The following PRKG2 variants were observed in gnomAD, a reference collection of about 807,000 sequenced individuals.
The protein encoded by PRKG2 is protein kinase cGMP-dependent 2.
In PRKG2, 33 loss-of-function variants were observed where a neutral mutation model predicts 97.2. The ratio of observed to expected loss-of-function variants is 0.34; its 90% confidence interval spans 0.26 to 0.45. The LOEUF is 0.45. Ranked by LOEUF, PRKG2 falls within the 20% of genes least tolerant of loss-of-function variation. The probability of loss-of-function intolerance (pLI) is 1.00; values close to 1 mark genes in which losing one functional copy is unlikely to be tolerated. For missense variants in PRKG2, 638 were observed against 900.0 expected, an observed-to-expected ratio of 0.71 and a Z score of 3.73; for synonymous variants, 330 against 321.8, an observed-to-expected ratio of 1.03 and a Z score of -0.27.
chr4:81,094,873 G>A (rs911308971), intron 17 of PRKG2, among the ~76,000 whole-genome samples: 2 of 152,182 alleles, frequency 1.3e-5, no homozygotes, highest in African/African-American at 2.4e-5. Flanking sequence ...AGATTTCTAC[G>A]TGTAGTGAAA....
At chr4:81,102,058 C>G (rs918033193) in intron 17 of PRKG2, among the ~76,000 whole-genome samples, 1 of 152,138 alleles carries the variant, frequency 6.6e-6, no homozygotes, top group Non-Finnish European at 1.5e-5. Flanking sequence ...ACCGAAGACA[C>G]CGTAAATTTG....
chr4:81,169,328 C>G (rs1192954660), intron 5 of PRKG2, among the ~76,000 whole-genome samples: 1 of 152,012 alleles, frequency 6.6e-6, no homozygotes, highest in Non-Finnish European at 1.5e-5. Flanking sequence ...TTTTGGCTAA[C>G]CACTTTCAAA....
chr4:81,183,610 A>T (rs181547078), intron 2 of PRKG2, among the ~76,000 whole-genome samples: 1 of 150,060 alleles, frequency 6.7e-6, no homozygotes, highest in East Asian at 2.0e-4. Flanking sequence ...TTTTTTTCAT[A>T]CCCCCGTGGT....
At position 81,105,929 on chromosome 4, in the gene PRKG2, G is replaced by A; in HGVS notation, c.1947C>T (p.Pro649=). The part of the protein sequence containing the change: ...LVYELLTGNP[P]FSGVDQMMTY... ...TCATCATTTGGTCAACCCCAGAAAA[G>A]GGTGGGCTAGATAGAGAAAATCCAG... Residue 649 remains proline (P), a synonymous_variant, in exon 16 of 19, where the codon CCC becomes CCT. Transcript: ENST00000264399. 1 of 1,613,410 alleles carries A rather than the reference G, an allele frequency of 6.2e-7. No individual in the cohort carries two copies. Among genetic ancestry groups the A allele is most frequent in the Non-Finnish European group, 8.5e-7 (1 of 1,179,584 alleles).
intron 5 of PRKG2, 47 bp downstream of exon 5, chr4:81,169,616 T>A (rs1750282417): frequency 7.6e-7 from 1 of 1,315,172 alleles, no homozygotes; most frequent in Admixed American, 2.0e-5. Context: ...ATATTCACAA[T>A]ATGGCGACTC....
At chr4:81,142,259 T>C (rs1055098836) in intron 11 of PRKG2, among the ~76,000 whole-genome samples, 7 of 152,248 alleles carry the variant, frequency 4.6e-5, no homozygotes, top group Non-Finnish European at 7.3e-5. Context: ...TCTTCAAATA[T>C]TCCCTTTCAT....
At position 81,097,337 on chromosome 4, in the gene PRKG2, CAA is replaced by C. The variant is rs533845104; in HGVS notation, c.2127-4887_2127-4886del. On this transcript the variant is annotated intron_variant, in intron 17 of 18. Coordinates refer to ENST00000264399, the MANE Select transcript of PRKG2 (RefSeq NM_006259.3). The stretch of plus-strand genomic sequence containing the variant: ...ATATTTTATTCCGAGCAGGAGGTCT[CAA>C]GAGTAGGCTTAAAATATTCAGTAAA... Among the ~76,000 whole-genome samples, 437 of 152,246 alleles carry C rather than the reference CAA, an allele frequency of 2.9e-3. 1 individual carries two copies. Among genetic ancestry groups the C allele is most frequent in the African/African-American group, 1.0e-2 (415 of 41,542 alleles).
At chr4:81,138,871 G>T (rs1249233253) in intron 12 of PRKG2, among the ~76,000 whole-genome samples, 1 of 152,140 alleles carries the variant, frequency 6.6e-6, no homozygotes, top group East Asian at 1.9e-4. Flanking sequence ...ATAATTGGAT[G>T]ACTCTCTATT....
intron 12 of PRKG2, among the ~76,000 whole-genome samples, chr4:81,137,958 C>T (rs150437309): frequency 9.2e-5 from 14 of 152,240 alleles, no homozygotes; most frequent in African/African-American, 2.9e-4. Context: ...GACTCTGAGA[C>T]TGAAATTTGC....
intron 17 of PRKG2, among the ~76,000 whole-genome samples, chr4:81,103,857 C>A (rs1436558841): frequency 1.3e-5 from 2 of 151,962 alleles, no homozygotes; most frequent in Admixed American, 6.6e-5. Flanking sequence ...ATGGTGAAAC[C>A]CTGTCTCTAC....
At chr4:81,117,270 G>A (rs980768) in intron 14 of PRKG2, among the ~76,000 whole-genome samples, 35,896 of 151,804 alleles carry the variant, frequency 0.24, 5,646 homozygotes, top group East Asian at 0.47. Flanking sequence ...CTGGGATTAC[G>A]GGCACTGTGC....
intron 14 of PRKG2, among the ~76,000 whole-genome samples, chr4:81,130,126 A>G (rs550791271): frequency 6.6e-6 from 1 of 152,182 alleles, no homozygotes; most frequent in South Asian, 2.1e-4. Flanking sequence ...TTCCTCACTT[A>G]CATGGATTTA....
At chr4:81,121,046 A>T (rs1745021373) in intron 14 of PRKG2, among the ~76,000 whole-genome samples, 2 of 152,170 alleles carry the variant, frequency 1.3e-5, no homozygotes, top group Non-Finnish European at 2.9e-5. Flanking sequence ...ATTTATTGAT[A>T]TGATAATATA....
intron 15 of PRKG2, among the ~76,000 whole-genome samples, chr4:81,106,360 T>A (rs1009006500): frequency 6.6e-6 from 1 of 152,000 alleles, no homozygotes; most frequent in Non-Finnish European, 1.5e-5. Context: ...AGGCCATGAG[T>A]CAGGAGTGGG....
At chr4:81,121,706 T>C (rs1745087571) in intron 14 of PRKG2, among the ~76,000 whole-genome samples, 1 of 152,156 alleles carries the variant, frequency 6.6e-6, no homozygotes, top group Admixed American at 6.6e-5. Context: ...ATATTAGTAA[T>C]TTATATCTTC....
chr4:81,216,891 TTGTGTG>T (rs68179456), upstream of PRKG2, among the ~76,000 whole-genome samples: 13,685 of 131,296 alleles, frequency 0.1, 1,663 homozygotes, highest in African/African-American at 0.3. Context: ...TAGTATTCCA[TTGTGTG>T]TGTGTGTGTG....
intron 1 of PRKG2, 71 bp from the exon 2 acceptor site, chr4:81,205,131 T>C (rs1001394562): frequency 1.1e-6 from 1 of 936,278 alleles, no homozygotes; most frequent in Admixed American, 2.9e-5. Flanking sequence ...ATTCCTCTCA[T>C]TCCTATCTTG....
At chr4:81,117,792 G>A (rs973654628) in intron 14 of PRKG2, among the ~76,000 whole-genome samples, 1 of 141,736 alleles carries the variant, frequency 7.1e-6, no homozygotes, top group Non-Finnish European at 1.5e-5. Context: ...AACATCCCTC[G>A]CCAGAGAGAA....
intron 2 of PRKG2, among the ~76,000 whole-genome samples, chr4:81,190,222 A>C (rs571441722): frequency 6.6e-6 from 1 of 152,336 alleles, no homozygotes; most frequent in South Asian, 2.1e-4. Flanking sequence ...ACTGGTACCA[A>C]AACAGATATG....
Sources: gnomAD v4.1 joint callset for allele counts (sites outside exome capture counted in the v4.1 genomes callset) on GRCh38, gnomAD v4.1.1 for gene constraint, MANE v1.5 for transcripts, NCBI Gene and HGNC (gene_info 2026-07-23, HGNC 2026-07-21) for gene names.